PDE11A: variants seen among roughly 807,000 people sequenced by gnomAD.
The protein encoded by PDE11A is dual 3',5'-cyclic-AMP and -GMP phosphodiesterase 11A.
A neutral mutation model predicts 100.5 loss-of-function variants in PDE11A; 100 were observed. That is an observed-to-expected ratio of 1.00 (90% CI 0.85 to 1.18). PDE11A has a LOEUF of 1.18. Among genes scored for constraint, PDE11A ranks in the 50% most tolerant of loss-of-function variants. The probability of loss-of-function intolerance (pLI) is 0.00; values close to 1 mark genes in which losing one functional copy is unlikely to be tolerated. For missense variants in PDE11A, 1,141 were observed against 1,152.6 expected (o/e 0.99, Z 0.15); for synonymous variants, 381 against 420.8 (o/e 0.91, Z 1.16).
chr2:177,916,804 G>C (rs1407797419), intron 2 of PDE11A, among the ~76,000 whole-genome samples: 1 of 151,368 alleles, frequency 6.6e-6, no homozygotes, highest in Non-Finnish European at 1.5e-5. Context: ...CTGTCGCCAG[G>C]GCTGGAGTGC....
chr2:178,084,153 C>CA (rs1270981217), intron 2 of PDE11A, among the ~76,000 whole-genome samples: 1 of 152,196 alleles, frequency 6.6e-6, no homozygotes, highest in Non-Finnish European at 1.5e-5. Context: ...AATAAAACCT[C>CA]AAAAGTATAA....
At chr2:177,997,666 T>C in intron 2 of PDE11A, 9 of 1,546,452 alleles carry the variant, frequency 5.8e-6, no homozygotes, top group Non-Finnish European at 8.0e-6. Flanking sequence ...ATCTTTGAGT[T>C]TTTCTGCATT....
At chr2:177,697,537 C>T (rs1267877350) in intron 14 of PDE11A, 105 bp from the exon 15 acceptor site, 3 of 689,792 alleles carry the variant, frequency 4.3e-6, no homozygotes, top group Non-Finnish European at 7.9e-6. Context: ...AAAAAAATCA[C>T]TTTTTAAAAA....
intron 8 of PDE11A, among the ~76,000 whole-genome samples, chr2:177,817,431 C>G (rs2083059586): frequency 6.6e-6 from 1 of 152,154 alleles, no homozygotes; most frequent in African/African-American, 2.4e-5. Context: ...GCTACTGGTA[C>G]AGTCTATGAG....
chr2:177,829,766 T>C (rs2083282143), intron 6 of PDE11A, among the ~76,000 whole-genome samples: 1 of 151,970 alleles, frequency 6.6e-6, no homozygotes, highest in African/African-American at 2.4e-5. Flanking sequence ...ATAAGCAAAA[T>C]TCTAAGATGG....
chr2:177,913,239 T>C (rs1369834202), intron 2 of PDE11A, among the ~76,000 whole-genome samples: 1 of 152,178 alleles, frequency 6.6e-6, no homozygotes, highest in Admixed American at 6.5e-5. Context: ...TTAATAATTC[T>C]GGGGTTAAAC....
intron 10 of PDE11A, among the ~76,000 whole-genome samples, chr2:177,730,818 T>C (rs1390625888): frequency 6.6e-6 from 1 of 152,184 alleles, no homozygotes; most frequent in Non-Finnish European, 1.5e-5. Context: ...TTTTTTATTG[T>C]GGTAAAAATA....
chr2:178,104,208 C>T lies in PDE11A; in HGVS notation c.162+94G>A, dbSNP rs549547398. On this transcript the variant is annotated intron_variant, in intron 2 of 20. Transcript: ENST00000358450. Reference sequence around the variant, plus strand: ...TATGTAAAGAGTGGTCCATTTTTAACGCTGCAAATTAGGAAATTATTATAA... The same window carrying T: ...TATGTAAAGAGTGGTCCATTTTTAATGCTGCAAATTAGGAAATTATTATAA... The T allele has an allele frequency of 2.6e-4, 306 of 1,186,392 alleles. 1 individual carries two copies. The highest frequency in any genetic ancestry group is 1.9e-3 in the African/African-American group (125 of 66,706). 73.5% of individuals were successfully genotyped at this position (1,186,392 alleles called of 1,614,324 possible). A position where few individuals can be genotyped will look rare whatever the true frequency, so the allele number is the denominator to read the frequency against.
At chr2:177,770,474 G>A (rs923821196) in intron 9 of PDE11A, among the ~76,000 whole-genome samples, 1 of 152,254 alleles carries the variant, frequency 6.6e-6, no homozygotes, top group Non-Finnish European at 1.5e-5. Context: ...TGCAGCTGGG[G>A]TGGTCCTATA....
chr2:177,691,493 G>A (rs1309456320), intron 15 of PDE11A, among the ~76,000 whole-genome samples: 1 of 152,196 alleles, frequency 6.6e-6, no homozygotes, highest in African/African-American at 2.4e-5. Context: ...TGTTTCTAAT[G>A]CCCAAATGTT....
intron 2 of PDE11A, among the ~76,000 whole-genome samples, chr2:178,012,300 T>C (rs2086282181): frequency 6.6e-6 from 1 of 152,206 alleles, no homozygotes; most frequent in Non-Finnish European, 1.5e-5. Flanking sequence ...AGGCTGAATC[T>C]AAGAAAAAGT....
chr2:177,661,400 C>T (rs1369812002), intron 19 of PDE11A, among the ~76,000 whole-genome samples: 1 of 152,152 alleles, frequency 6.6e-6, no homozygotes, highest in African/African-American at 2.4e-5. Context: ...AGTGACCTTC[C>T]TGGCTCGTCA....
At chr2:177,934,062 C>A (rs12693144) in intron 2 of PDE11A, among the ~76,000 whole-genome samples, 1 of 152,062 alleles carries the variant, frequency 6.6e-6, no homozygotes, top group African/African-American at 2.4e-5. Context: ...ATTCTGAACA[C>A]TGGCCTTGGG....
chr2:177,819,865 T>C (rs1372142558), intron 7 of PDE11A, among the ~76,000 whole-genome samples: 4 of 115,278 alleles, frequency 3.5e-5, no homozygotes, highest in African/African-American at 1.2e-4. Flanking sequence ...TCTCTTTCTC[T>C]CTTTCTCTCT....
chr2:177,833,833 G>T (rs1436072811), intron 6 of PDE11A, among the ~76,000 whole-genome samples: 1 of 152,202 alleles, frequency 6.6e-6, no homozygotes, highest in East Asian at 1.9e-4. Context: ...GATAGAGAAG[G>T]ATCTCTGGAG....
intron 9 of PDE11A, among the ~76,000 whole-genome samples, chr2:177,807,490 A>G (rs1194369952): frequency 6.6e-6 from 1 of 152,110 alleles, no homozygotes; most frequent in Non-Finnish European, 1.5e-5. Context: ...GGCATGATCC[A>G]GCTCACTGCA....
At chr2:178,035,251 C>T (rs1383359291) in intron 1 of PDE11A, among the ~76,000 whole-genome samples, 1 of 152,166 alleles carries the variant, frequency 6.6e-6, no homozygotes, top group Non-Finnish European at 1.5e-5. Context: ...ACAAACACTA[C>T]TACTCAAATA....
At chr2:177,862,184 T>C (rs1344047189) in intron 5 of PDE11A, among the ~76,000 whole-genome samples, 1 of 151,702 alleles carries the variant, frequency 6.6e-6, no homozygotes, top group Non-Finnish European at 1.5e-5. Flanking sequence ...GTATACAAAG[T>C]ATACCAAAAA....
intron 12 of PDE11A, among the ~76,000 whole-genome samples, chr2:177,722,846 T>C (rs993720860): frequency 2.0e-5 from 3 of 152,280 alleles, no homozygotes; most frequent in African/African-American, 7.2e-5. Flanking sequence ...TTAAAGTAAA[T>C]ATAACAAGTT....
Sources: gnomAD v4.1 joint callset for allele counts (sites outside exome capture counted in the v4.1 genomes callset) on GRCh38, gnomAD v4.1.1 for gene constraint, MANE v1.5 for transcripts, NCBI Gene and HGNC (gene_info 2026-07-23, HGNC 2026-07-21) for gene names.